DNAH12: variants seen among roughly 807,000 people sequenced by gnomAD.
DNAH12 encodes dynein axonemal heavy chain 12, also known as axonemal beta dynein heavy chain 12.
Under a neutral mutation model 371.5 loss-of-function variants are expected in DNAH12, and 285 were observed. That is an observed-to-expected ratio of 0.77 (90% CI 0.70 to 0.85). The LOEUF (loss-of-function observed/expected upper bound fraction) is 0.85, where lower values mean the gene tolerates loss of function less well. Ranked by LOEUF, DNAH12 falls within the 40% of genes least tolerant of loss-of-function variation. The probability of loss-of-function intolerance (pLI) is 0.00; values close to 1 mark genes in which losing one functional copy is unlikely to be tolerated. For synonymous variants in DNAH12, 1,200 were observed against 1,213.0 expected (o/e 0.99, Z 0.22); for missense variants, 3,611 against 3,689.4 (o/e 0.98, Z 0.55).
chr3:57,444,140 G>A (rs1035209372), intron 29 of DNAH12, among the ~76,000 whole-genome samples: 5 of 151,964 alleles, frequency 3.3e-5, no homozygotes, highest in African/African-American at 1.2e-4. Flanking sequence ...GGCAGAGCTT[G>A]CAGTGGGCTG....
intron 13 of DNAH12, among the ~76,000 whole-genome samples, chr3:57,478,684 G>T (rs1419559253): frequency 6.6e-6 from 1 of 152,150 alleles, no homozygotes; most frequent in Admixed American, 6.6e-5. Flanking sequence ...GAAAGGTTGG[G>T]TTACCAACAA....
At chr3:57,398,703 C>G (rs2063795171) in intron 43 of DNAH12, among the ~76,000 whole-genome samples, 14 of 152,156 alleles carry the variant, frequency 9.2e-5, no homozygotes, top group Non-Finnish European at 2.1e-4. Context: ...TCTGGTACAG[C>G]TGCCTTACAA....
intron 22 of DNAH12, among the ~76,000 whole-genome samples, chr3:57,456,882 T>C (rs909181138): frequency 1.1e-4 from 17 of 152,188 alleles, no homozygotes; most frequent in African/African-American, 3.9e-4. Context: ...TCCTTACCCT[T>C]GTACTCTACA....
At chr3:57,387,960 A>T (rs1456780116) in intron 45 of DNAH12, among the ~76,000 whole-genome samples, 3 of 152,182 alleles carry the variant, frequency 2.0e-5, no homozygotes, top group South Asian at 2.1e-4. Flanking sequence ...TATGACAGTT[A>T]AAAAACCCAA....
chr3:57,395,297 C>T lies in DNAH12; in HGVS notation c.6949-965G>A, dbSNP rs888203076. Among the ~76,000 whole-genome samples, 399 of 152,236 alleles carry T rather than the reference C, an allele frequency of 2.6e-3. 4 individuals carry two copies. Among genetic ancestry groups the T allele is most frequent in the African/African-American group, 8.6e-3 (358 of 41,542 alleles). On this transcript the variant is annotated intron_variant, in intron 43 of 73. Transcript: ENST00000495027. The stretch of plus-strand genomic sequence containing the variant: ...CTACCATCAGGCTCTCTCTCACCCC[C>T]GGTCCTGGAAAGCTGGTTGTTAAAC...
chr3:57,553,982 G>A, the DNAH12 span, among the ~76,000 whole-genome samples: 1 of 151,440 alleles, frequency 6.6e-6, no homozygotes, highest in African/African-American at 2.4e-5. Flanking sequence ...ACACCACTGC[G>A]CCCGGCTAAT....
At chr3:57,531,056 C>T (rs1384186584) in intron 2 of DNAH12, 1 of 152,272 alleles carries the variant, frequency 6.6e-6, no homozygotes, top group East Asian at 1.9e-4. Flanking sequence ...AGTTTACACA[C>T]CACAGTTACA....
intron 73 of DNAH12, among the ~76,000 whole-genome samples, chr3:57,294,700 A>C (rs1474408035): frequency 1.3e-5 from 2 of 152,192 alleles, no homozygotes; most frequent in Admixed American, 6.5e-5. Context: ...CATTAGAAGA[A>C]GCTGACGTTT....
chr3:57,425,646 C>T (rs2064742854), intron 34 of DNAH12, among the ~76,000 whole-genome samples: 1 of 152,118 alleles, frequency 6.6e-6, no homozygotes, highest in African/African-American at 2.4e-5. Flanking sequence ...TTTTAGTTTC[C>T]CATATTATAT....
chr3:57,324,152 G>A (rs968453060), intron 62 of DNAH12, among the ~76,000 whole-genome samples: 3 of 152,176 alleles, frequency 2.0e-5, no homozygotes, highest in Non-Finnish European at 4.4e-5. Context: ...CTGTAAGCAT[G>A]AAAGAACCTG....
rs2063513501 is a variant in DNAH12, at chr3:57,387,191, A to G, written c.7334T>C (p.Val2445Ala). The G allele has an allele frequency of 6.6e-6, 1 of 152,212 alleles. No homozygotes were observed. The highest frequency in any genetic ancestry group is 2.4e-5 in the African/African-American group (1 of 41,464). 9.4% of individuals were successfully genotyped at this position (152,212 alleles called of 1,614,324 possible). A position where few individuals can be genotyped will look rare whatever the true frequency, so the allele number is the denominator to read the frequency against. The change falls in exon 46 of 74, where the codon GTA becomes GCA. Residue 2445 changes from valine (V) to alanine (A), a missense_variant. Val to Ala is a moderately conservative substitution (Grantham distance 64). Around this residue, in one of 3 missense-constraint regions of DNAH12, gnomAD observed 2,266 missense variants for 2,236.9 expected, o/e 1.01. Transcript: ENST00000495027. ...QSWPEDALER[V>A]AVKFLETLEL... ...CAGTGTTTCTAAGAATTTCACAGCT[A>G]CACGTTCAAGAGCATCTTCAGGCCA...
intron 13 of DNAH12, among the ~76,000 whole-genome samples, chr3:57,482,763 T>A (rs1314978551): frequency 2.0e-5 from 3 of 152,104 alleles, no homozygotes; most frequent in Non-Finnish European, 4.4e-5. Context: ...TGAGTTAATG[T>A]CCTTTGTAGG....
intron 69 of DNAH12, among the ~76,000 whole-genome samples, chr3:57,304,747 A>AC (rs973738300): frequency 3.4e-5 from 5 of 148,702 alleles, no homozygotes; most frequent in African/African-American, 1.2e-4. Context: ...GAGGGCCAGA[A>AC]CCCCCCGACC....
intron 62 of DNAH12, among the ~76,000 whole-genome samples, chr3:57,326,151 G>C (rs2061939734): frequency 6.6e-6 from 1 of 151,956 alleles, no homozygotes; most frequent in South Asian, 2.1e-4. Context: ...TATTATCCAG[G>C]AGAACTTCCC....
upstream of DNAH12, among the ~76,000 whole-genome samples, chr3:57,546,671 A>G (rs1160181416): frequency 1.3e-5 from 2 of 152,194 alleles, no homozygotes; most frequent in African/African-American, 4.8e-5. Flanking sequence ...AGGCTAAATT[A>G]GAAGAACTAA....
At chr3:57,508,851 A>C (rs1028397909) in intron 6 of DNAH12, among the ~76,000 whole-genome samples, 2 of 152,200 alleles carry the variant, frequency 1.3e-5, no homozygotes, top group African/African-American at 4.8e-5. Flanking sequence ...GAAAGAACAC[A>C]GTCTTTAGGA....
intron 29 of DNAH12, among the ~76,000 whole-genome samples, chr3:57,438,267 C>T (rs1336689451): frequency 3.3e-5 from 5 of 152,086 alleles, no homozygotes; most frequent in Non-Finnish European, 7.4e-5. Flanking sequence ...GCCAAGATTG[C>T]ACCACTGCAC....
At chr3:57,502,730 A>C in intron 9 of DNAH12, among the ~76,000 whole-genome samples, 1 of 152,114 alleles carries the variant, frequency 6.6e-6, no homozygotes. Context: ...TTGTATTTTT[A>C]GAGACGGGGT....
At chr3:57,516,574 C>G (rs79343766) in intron 4 of DNAH12, among the ~76,000 whole-genome samples, 1,530 of 152,236 alleles carry the variant, frequency 0.01, 29 homozygotes, top group African/African-American at 0.034. Flanking sequence ...TTCTCACTGC[C>G]CACATGCACC....
Sources: allele counts gnomAD v4.1 joint callset (sites outside exome capture counted in the v4.1 genomes callset), GRCh38; gene constraint gnomAD v4.1.1; regional missense constraint gnomAD v4.1.1; transcripts MANE v1.5; gene names NCBI Gene and HGNC (gene_info 2026-07-23, HGNC 2026-07-21).